Variants in PROM1 observed in about 807,000 individuals in gnomAD.
PROM1 encodes the protein prominin 1.
A neutral mutation model predicts 116.9 loss-of-function variants in PROM1; 105 were observed. That is an observed-to-expected ratio of 0.90 (90% CI 0.77 to 1.06). The LOEUF (loss-of-function observed/expected upper bound fraction) is 1.06. PROM1 is among the 50% of genes least tolerant of loss of function. The pLI, the probability that PROM1 is intolerant of heterozygous loss-of-function variation, is 0.00. For synonymous variants in PROM1, 393 were observed against 387.0 expected (o/e 1.02, Z -0.18); for missense variants, 1,122 against 1,045.2 (o/e 1.07, Z -1.01).
chr4:16,046,415 A>T (rs1350663518), intron 2 of PROM1, among the ~76,000 whole-genome samples: 1 of 152,134 alleles, frequency 6.6e-6, no homozygotes, highest in Non-Finnish European at 1.5e-5. Context: ...CCAAAATGAA[A>T]ATTTGTCTTC....
At position 16,025,227 on chromosome 4, in the gene PROM1, T is replaced by C; in HGVS notation, c.595A>G (p.Lys199Glu). ...RSRKLADSNF[K>E]DLRTLLNETP... ...TCATTCAAGAGAGTTCGCAAGTCCT[T>C]GAAATTGCTATCTGCCAGTTTCCGA... Residue 199 changes from lysine to glutamate, a missense_variant, in exon 6 of 28, where the codon AAG becomes GAG. Transcript: ENST00000447510. The C allele has an allele frequency of 6.2e-7, 1 of 1,613,960 alleles. No homozygotes were observed. Among genetic ancestry groups the C allele is most frequent in the Non-Finnish European group, 8.5e-7 (1 of 1,179,800 alleles).
rs17387037 is a variant in PROM1 at position 15,991,160 on chromosome 4, A to C, written c.1983+62T>G. 0.057 allele frequency: 79,357 copies of C among 1,382,326 alleles called. 2,637 individuals are homozygous for C. Among genetic ancestry groups the C allele is most frequent in the Non-Finnish European group, 0.067 (66,801 of 991,398 alleles). The allele number at this position is 1,382,326 out of a possible 1,614,324, so 85.6% of individuals were successfully genotyped here. ...GAACCTCTCCAGCAGCTTCCCTAAG[A>C]ATGGTACTGACATTTGACATCTACA... On this transcript the variant is annotated intron_variant, in intron 18 of 27. Transcript: ENST00000447510.
At position 16,024,335 on chromosome 4, in the gene PROM1, C is replaced by T. The variant is rs1396575126; in HGVS notation, c.654G>A (p.Gln218=). Residue 218 remains glutamine (Q), a synonymous_variant, in exon 7 of 28, where the codon CAG becomes CAA. Transcript: ENST00000447510. ...ACGCCTTGTCCTTGGTAGTGTTGTA[C>T]TGGGCCAATATATATTTGATTTGCT... ...TPEQIKYILA[Q]YNTTKDKAFT... The T allele has an allele frequency of 1.2e-6, 2 of 1,613,306 alleles. No homozygotes were observed. Among genetic ancestry groups the T allele is most frequent in the East Asian group, 2.2e-5 (1 of 44,866 alleles).
At chr4:15,979,800 C>T (rs1717287533) in intron 25 of PROM1, 81 bp downstream of exon 25, 2 of 1,227,018 alleles carry the variant, frequency 1.6e-6, no homozygotes, top group Non-Finnish European at 2.3e-6. Flanking sequence ...ATGTTAATAA[C>T]TTAATTTTTA....
At chr4:16,065,284 A>G (rs1741260998) in intron 2 of PROM1, among the ~76,000 whole-genome samples, 1 of 152,096 alleles carries the variant, frequency 6.6e-6, no homozygotes, top group Non-Finnish European at 1.5e-5. Flanking sequence ...ACTGCTCCCC[A>G]GGCCATGTCC....
At chr4:16,061,647 A>C (rs1740334648) in intron 2 of PROM1, among the ~76,000 whole-genome samples, 1 of 152,032 alleles carries the variant, frequency 6.6e-6, no homozygotes, top group Non-Finnish European at 1.5e-5. Context: ...TTATCCACTT[A>C]TGGGGTGAAT....
intron 7 of PROM1, among the ~76,000 whole-genome samples, chr4:16,024,093 T>C (rs1730604816): frequency 6.6e-6 from 1 of 152,134 alleles, no homozygotes; most frequent in African/African-American, 2.4e-5. Context: ...AAACAAAAGG[T>C]CCTGCTGCCT....
chr4:15,993,236 C>A (rs1263974360), intron 16 of PROM1, among the ~76,000 whole-genome samples: 1 of 152,184 alleles, frequency 6.6e-6, no homozygotes, highest in Non-Finnish European at 1.5e-5. Flanking sequence ...AGCCTCTTCC[C>A]TTGGGATCCC....
intron 2 of PROM1, among the ~76,000 whole-genome samples, chr4:16,058,620 C>G (rs1387342651): frequency 6.7e-6 from 1 of 150,236 alleles, no homozygotes; most frequent in Admixed American, 6.6e-5. Flanking sequence ...GCACTCTAGC[C>G]TGGGCGACAG....
chr4:16,024,436 C>G, intron 6 of PROM1, 78 bp from the exon 7 acceptor site: 1 of 1,214,838 alleles, frequency 8.2e-7, no homozygotes, highest in Non-Finnish European at 1.1e-6. Context: ...ATTTAATATA[C>G]AAAAGTTTTC....
intron 26 of PROM1, among the ~76,000 whole-genome samples, chr4:15,972,822 A>C (rs1206810706): frequency 6.6e-6 from 1 of 152,182 alleles, no homozygotes; most frequent in African/African-American, 2.4e-5. Context: ...GACATCACAC[A>C]CTGATGACAG....
chr4:16,035,774 A>G lies in PROM1; in HGVS notation c.277-13T>C, dbSNP rs1560538694. The G allele has an allele frequency of 6.2e-7, 1 of 1,613,252 alleles. No homozygotes were observed. Among genetic ancestry groups the G allele is most frequent in the Non-Finnish European group, 8.5e-7 (1 of 1,179,362 alleles). ...TTACAGTTTCTGGCTGTAGAAGTCA[A>G]CGCAGGTGAGGAATTTTGGCAGAGG... On this transcript the variant is annotated splice_polypyrimidine_tract_variant and intron_variant, in intron 3 of 27. Coordinates refer to ENST00000447510, the MANE Select transcript of PROM1 (RefSeq NM_006017.3).
chr4:15,981,995 C>T (rs10428501), intron 23 of PROM1, among the ~76,000 whole-genome samples: 61,482 of 151,994 alleles, frequency 0.4, 12,413 homozygotes, highest in African/African-American at 0.45. Flanking sequence ...ACACCACTCA[C>T]ATCTGCAAGG....
Position 16,076,065 on chromosome 4 carries a change from C to A in PROM1, c.-159G>T, listed in dbSNP as rs1743891538. ...TTTTCTGTCTGAGGCTGGCTTGAGGCGAGGGATGCGGAAGAATGTTCTCCA... is the reference window on the plus strand; with the variant it reads ...TTTTCTGTCTGAGGCTGGCTTGAGGAGAGGGATGCGGAAGAATGTTCTCCA... On this transcript the variant is annotated 5_prime_UTR_variant, in exon 2 of 28. Coordinates refer to ENST00000447510, the MANE Select transcript of PROM1 (RefSeq NM_006017.3). The A allele has an allele frequency of 7.2e-7, 1 of 1,386,804 alleles. No homozygotes were observed. Among genetic ancestry groups the A allele is most frequent in the Admixed American group, 2.9e-5 (1 of 34,840 alleles). 85.9% of individuals were successfully genotyped at this position (1,386,804 alleles called of 1,614,324 possible).
chr4:16,023,221 T>G, intron 8 of PROM1, 105 bp downstream of exon 8: 2 of 1,006,712 alleles, frequency 2.0e-6, no homozygotes, highest in South Asian at 2.8e-5. Context: ...GGACGGTGGC[T>G]CTCCCCAAGC....
chr4:16,076,186 G>T (rs1222519350), intron 1 of PROM1, 68 bp from the exon 2 acceptor site: 10 of 407,406 alleles, frequency 2.5e-5, no homozygotes, highest in Admixed American at 4.0e-5. Flanking sequence ...GAGCTGCCCG[G>T]AGAGGACGCT....
At chr4:15,976,292 C>G (rs754470071) in intron 26 of PROM1, 9 of 434,968 alleles carry the variant, frequency 2.1e-5, no homozygotes, top group East Asian at 7.0e-5. Flanking sequence ...TGTTTTCCAT[C>G]ATCATGCCTT....
intron 25 of PROM1, 27 bp from the exon 26 acceptor site, chr4:15,979,490 A>G (rs1237932077): frequency 1.3e-6 from 2 of 1,591,328 alleles, no homozygotes; most frequent in South Asian, 1.1e-5. Context: ...TACACCAAAA[A>G]CACCATGTTA....
chr4:16,046,640 A>ACTTT (rs1560566102), intron 2 of PROM1, among the ~76,000 whole-genome samples: 12 of 152,230 alleles, frequency 7.9e-5, no homozygotes, highest in Non-Finnish European at 1.8e-4. Context: ...CAACCCTTAG[A>ACTTT]TATTTTATTT....
Sources: gnomAD v4.1 joint callset for allele counts (sites outside exome capture counted in the v4.1 genomes callset) on GRCh38, gnomAD v4.1.1 for gene constraint, MANE v1.5 for transcripts, NCBI Gene and HGNC (gene_info 2026-07-23, HGNC 2026-07-21) for gene names.